ODAD2: variants seen among roughly 807,000 people sequenced by gnomAD.
ODAD2 encodes the protein outer dynein arm-docking complex subunit 2.
In ODAD2, 89 loss-of-function variants were observed where a neutral mutation model predicts 106.8. That is an observed-to-expected ratio of 0.83 (90% CI 0.70 to 0.99). The LOEUF is 0.99. Ranked by LOEUF, ODAD2 falls within the 50% of genes least tolerant of loss-of-function variation. ODAD2 has a pLI of 0.00. For missense variants in ODAD2, 1,168 were observed against 1,238.5 expected, an observed-to-expected ratio of 0.94 and a Z score of 0.85; for synonymous variants, 404 against 436.2, an observed-to-expected ratio of 0.93 and a Z score of 0.92.
chr10:27,938,333 A>T (rs956331128), intron 14 of ODAD2, among the ~76,000 whole-genome samples: 1 of 152,134 alleles, frequency 6.6e-6, no homozygotes, highest in Non-Finnish European at 1.5e-5. Flanking sequence ...CTCCAATAGG[A>T]CTGCTGTCCA....
chr10:27,955,499 G>A (rs536177674), intron 10 of ODAD2, among the ~76,000 whole-genome samples: 1 of 152,242 alleles, frequency 6.6e-6, no homozygotes, highest in African/African-American at 2.4e-5. Flanking sequence ...TCCCTTCTGT[G>A]TGGCCTGGAG....
At chr10:27,883,944 T>C (rs2133597041) in intron 17 of ODAD2, among the ~76,000 whole-genome samples, 1 of 151,382 alleles carries the variant, frequency 6.6e-6, no homozygotes, top group African/African-American at 2.4e-5. Flanking sequence ...CATCATCAAG[T>C]ATGCCAACAT....
intron 19 of ODAD2, among the ~76,000 whole-genome samples, chr10:27,841,544 C>T (rs938150319): frequency 1.3e-5 from 2 of 151,866 alleles, no homozygotes; most frequent in East Asian, 3.9e-4. Context: ...TACAGGTGCC[C>T]GCCACCATGC....
chr10:27,969,358 C>T (rs575686334), intron 8 of ODAD2, among the ~76,000 whole-genome samples: 7 of 152,228 alleles, frequency 4.6e-5, no homozygotes, highest in East Asian at 1.9e-4. Flanking sequence ...CCCCACCCAA[C>T]GTTGCAACAG....
chr10:27,831,880 C>T (rs191718160), intron 19 of ODAD2, among the ~76,000 whole-genome samples: 363 of 152,344 alleles, frequency 2.4e-3, no homozygotes, highest in Non-Finnish European at 3.9e-3. Flanking sequence ...ATGTGGCTCC[C>T]CTCTCCCCTG....
intron 16 of ODAD2, among the ~76,000 whole-genome samples, chr10:27,925,276 T>C (rs916712455): frequency 1.3e-5 from 2 of 152,166 alleles, no homozygotes; most frequent in Non-Finnish European, 2.9e-5. Flanking sequence ...AAAAAAATCA[T>C]GATGAAACAT....
intron 2 of ODAD2, 145 bp downstream of exon 2, chr10:27,994,774 C>G (rs1207185976): frequency 1.2e-6 from 1 of 811,150 alleles, no homozygotes; most frequent in Non-Finnish European, 1.9e-6. Context: ...TCAGACTTCA[C>G]CTGTGTGTCT....
chr10:27,964,014 G>A (rs931006278), intron 9 of ODAD2, among the ~76,000 whole-genome samples: 2 of 152,138 alleles, frequency 1.3e-5, no homozygotes, highest in Non-Finnish European at 2.9e-5. Context: ...TTGAAGTTGG[G>A]AGTTTGAGAC....
Position 27,944,402 on chromosome 10 carries a change from G to T in ODAD2, c.1563C>A (p.Ile521=), listed in dbSNP as rs759349007. ...TCTGTCTGATTTGAGGATTATGACT[G>T]ATTTCCTTCAGTATTTTTAATGAAC... ...KIGSLKILKE[I]SHNPQIRQNI... The change falls in exon 12 of 20, where the codon ATC becomes ATA. Residue 521 remains isoleucine (I), a synonymous_variant. Coordinates refer to ENST00000305242, the MANE Select transcript of ODAD2 (RefSeq NM_018076.5). 2 of 1,613,808 alleles carry T rather than the reference G, an allele frequency of 1.2e-6. No homozygotes were observed. The highest frequency in any genetic ancestry group is 1.1e-5 in the South Asian group (1 of 91,056).
intron 10 of ODAD2, among the ~76,000 whole-genome samples, chr10:27,950,610 G>A (rs900049745): frequency 9.2e-5 from 14 of 152,016 alleles, no homozygotes; most frequent in Non-Finnish European, 1.8e-4. Context: ...ATTTTGAGAC[G>A]GAGTCTTGCT....
At chr10:27,845,954 G>T (rs1589810004) in intron 19 of ODAD2, among the ~76,000 whole-genome samples, 1 of 152,002 alleles carries the variant, frequency 6.6e-6, no homozygotes, top group South Asian at 2.1e-4. Context: ...AGAGACTTAG[G>T]CTCCCACACA....
intron 19 of ODAD2, among the ~76,000 whole-genome samples, chr10:27,853,032 C>A (rs1158066296): frequency 6.6e-6 from 1 of 151,284 alleles, no homozygotes; most frequent in Non-Finnish European, 1.5e-5. Flanking sequence ...GTAACCACTT[C>A]CCCTCCCAAT....
chr10:27,883,624 A>G (rs907513829), intron 17 of ODAD2, among the ~76,000 whole-genome samples: 1 of 152,178 alleles, frequency 6.6e-6, no homozygotes, highest in Admixed American at 6.5e-5. Flanking sequence ...TTATAAACAT[A>G]TTTGCGAAAC....
chr10:27,840,144 AAT>A (rs1838203092), intron 19 of ODAD2, among the ~76,000 whole-genome samples: 1 of 152,236 alleles, frequency 6.6e-6, no homozygotes, highest in African/African-American at 2.4e-5. Context: ...ACTGAGGTAA[AAT>A]ATTCTACAAG....
At chr10:27,961,538 TG>T (rs1345265465) in intron 10 of ODAD2, 29 bp downstream of exon 10, 1 of 1,578,122 alleles carries the variant, frequency 6.3e-7, no homozygotes, top group African/African-American at 1.4e-5. Context: ...AAATGAACAT[TG>T]CAAACATACT....
chr10:27,944,158 A>G (rs1846681401), intron 12 of ODAD2, 64 bp downstream of exon 12: 1 of 1,420,004 alleles, frequency 7.0e-7, no homozygotes, highest in African/African-American at 1.4e-5. Context: ...CAGAAAGGAC[A>G]GCAAGGAGCT....
chr10:27,892,823 T>C (rs1842643446), intron 17 of ODAD2, among the ~76,000 whole-genome samples: 1 of 152,228 alleles, frequency 6.6e-6, no homozygotes, highest in African/African-American at 2.4e-5. Context: ...GCTCAATCAC[T>C]GATAGGTAGC....
At chr10:27,844,383 G>A (rs912776274) in intron 19 of ODAD2, among the ~76,000 whole-genome samples, 1 of 152,180 alleles carries the variant, frequency 6.6e-6, no homozygotes, top group Non-Finnish European at 1.5e-5. Context: ...CAAACTCTCT[G>A]CCAAGTCCCC....
In ODAD2 at chr10:27,883,295, T is replaced by C. The variant is rs150795941; in HGVS notation, c.2611-20673A>G. Among the ~76,000 whole-genome samples, 488 of 152,082 alleles carry C rather than the reference T, an allele frequency of 3.2e-3. 3 individuals are homozygous for C. The highest frequency in any genetic ancestry group is 0.01 in the Middle Eastern group (3 of 294). On this transcript the variant is annotated intron_variant, in intron 17 of 19. Transcript: ENST00000305242. ...CTCATTTGTTGACCAATAAGCTGAG[T>C]AGAAACCTCTGGAGTCATGCATGAC...
Sources: allele counts gnomAD v4.1 joint callset (sites outside exome capture counted in the v4.1 genomes callset), GRCh38; gene constraint gnomAD v4.1.1; transcripts MANE v1.5; gene names NCBI Gene and HGNC (gene_info 2026-07-23, HGNC 2026-07-21).